The following NEGR1 variants were observed in gnomAD, a reference collection of about 807,000 sequenced individuals.
The protein encoded by NEGR1 is neuronal growth regulator 1.
In NEGR1, 10 loss-of-function variants were observed where a neutral mutation model predicts 40.9. The observed-to-expected ratio is 0.24, with a 90% confidence interval of 0.15 to 0.42. The LOEUF (loss-of-function observed/expected upper bound fraction) is 0.42. Ranked by LOEUF, NEGR1 falls within the 10% of genes least tolerant of loss-of-function variation. The pLI is 1.00. For synonymous variants in NEGR1, 185 were observed against 166.8 expected (o/e 1.11, Z -0.84); for missense variants, 352 against 438.9 (o/e 0.80, Z 1.77).
chr1:71,766,086 A>G (rs1369334648), intron 3 of NEGR1, among the ~76,000 whole-genome samples: 1 of 151,742 alleles, frequency 6.6e-6, no homozygotes, highest in Non-Finnish European at 1.5e-5. Flanking sequence ...AGGCAGGAAA[A>G]TGCTTGAACT....
At chr1:71,731,539 A>G (rs1654867080) in intron 3 of NEGR1, among the ~76,000 whole-genome samples, 1 of 152,268 alleles carries the variant, frequency 6.6e-6, no homozygotes, top group African/African-American at 2.4e-5. Flanking sequence ...TATTTTGGTT[A>G]AGAGCAATAA....
At position 72,105,590 on chromosome 1, in the gene NEGR1, A is replaced by G. The variant is rs767406089; in HGVS notation, c.177-170279T>C. Among the ~76,000 whole-genome samples the G allele has an allele frequency of 2.0e-5, 3 of 152,020 alleles. No individual in the cohort carries two copies. In the East Asian group the frequency reaches 5.8e-4, roughly 29 times the overall value. On this transcript the variant is annotated intron_variant, in intron 1 of 6. Coordinates refer to ENST00000357731, the MANE Select transcript of NEGR1 (RefSeq NM_173808.3). ...TAAATAGAAAGATTTTGAAATGAAGAAAAAAACTGACAGAAAAACAAAAAC... is the reference window on the plus strand; with the variant it reads ...TAAATAGAAAGATTTTGAAATGAAGGAAAAAACTGACAGAAAAACAAAAAC...
At position 71,399,266 on chromosome 1, in the gene NEGR1, T is replaced by G. The variant is rs2101245909; in HGVS notation, c.*8180A>C. The stretch of plus-strand genomic sequence containing the variant: ...TATATGTTTCCAGAAAAAAATTGCT[T>G]ATTCAAATGTAAAAAAAAAAACCCA... On this transcript the variant is annotated 3_prime_UTR_variant, in exon 7 of 7. Coordinates refer to ENST00000357731, the MANE Select transcript of NEGR1 (RefSeq NM_173808.3). 1 of 152,148 alleles carries G rather than the reference T, an allele frequency of 6.6e-6. No homozygotes were observed. The highest frequency in any genetic ancestry group is 2.1e-4 in the South Asian group (1 of 4,820). 9.4% of individuals were successfully genotyped at this position (152,148 alleles called of 1,614,324 possible).
chr1:71,512,385 C>A (rs1218871814), intron 6 of NEGR1, among the ~76,000 whole-genome samples: 1 of 152,036 alleles, frequency 6.6e-6, no homozygotes, highest in Non-Finnish European at 1.5e-5. Flanking sequence ...GAAAAAGAAT[C>A]TGTACTCTTT....
chr1:71,762,249 T>C (rs901468015), intron 3 of NEGR1, among the ~76,000 whole-genome samples: 1 of 130,254 alleles, frequency 7.7e-6, no homozygotes, highest in African/African-American at 2.7e-5. Context: ...AAAAAGAAAA[T>C]AGAGAAACAA....
intron 1 of NEGR1, among the ~76,000 whole-genome samples, chr1:72,235,474 G>A (rs1654517602): frequency 6.6e-6 from 1 of 151,996 alleles, no homozygotes; most frequent in African/African-American, 2.4e-5. Context: ...CTTGAGGGTA[G>A]CAAGGGGATA....
At chr1:71,933,494 T>C (rs1025798295) in intron 2 of NEGR1, among the ~76,000 whole-genome samples, 1 of 152,072 alleles carries the variant, frequency 6.6e-6, no homozygotes. Context: ...TTTTTTCACA[T>C]AATGAAAATC....
intron 1 of NEGR1, among the ~76,000 whole-genome samples, chr1:72,124,980 TATGGCGTATA>T (rs1397730420): frequency 2.0e-5 from 3 of 152,108 alleles, no homozygotes; most frequent in Non-Finnish European, 4.4e-5. Context: ...ATAAAAATTT[TATGGCGTATA>T]TAAAAGTCAA....
intron 1 of NEGR1, among the ~76,000 whole-genome samples, chr1:72,233,419 T>C (rs1196659732): frequency 6.6e-6 from 1 of 152,126 alleles, no homozygotes; most frequent in Non-Finnish European, 1.5e-5. Flanking sequence ...TAGTACACAA[T>C]AGGAAGTTTT....
chr1:71,871,534 T>C (rs1271735051), intron 2 of NEGR1, among the ~76,000 whole-genome samples: 1 of 152,194 alleles, frequency 6.6e-6, no homozygotes, highest in Non-Finnish European at 1.5e-5. Context: ...GCTCAAAATG[T>C]ATATTAAGCA....
At chr1:71,888,459 C>A (rs533137760) in intron 2 of NEGR1, among the ~76,000 whole-genome samples, 14 of 151,948 alleles carry the variant, frequency 9.2e-5, no homozygotes, top group Admixed American at 7.9e-4. Flanking sequence ...GGGTGACGGA[C>A]GCACCTGGAA....
At chr1:72,209,185 G>A (rs937844333) in intron 1 of NEGR1, among the ~76,000 whole-genome samples, 3 of 150,022 alleles carry the variant, frequency 2.0e-5, no homozygotes, top group African/African-American at 7.3e-5. Flanking sequence ...GCATTCCATC[G>A]AGACAATGTA....
At chr1:71,705,884 G>C (rs965295077) in intron 3 of NEGR1, among the ~76,000 whole-genome samples, 6 of 151,798 alleles carry the variant, frequency 4.0e-5, no homozygotes, top group East Asian at 1.9e-4. Context: ...AGGAAGCAAG[G>C]AAGGAAGGAG....
intron 4 of NEGR1, among the ~76,000 whole-genome samples, chr1:71,614,833 T>C (rs927695187): frequency 2.0e-5 from 3 of 152,200 alleles, no homozygotes; most frequent in African/African-American, 7.2e-5. Flanking sequence ...TTTTGTGCAG[T>C]ACAGTGTACA....
At chr1:71,975,505 C>A (rs539105058) in intron 1 of NEGR1, among the ~76,000 whole-genome samples, 137 of 152,284 alleles carry the variant, frequency 9.0e-4, no homozygotes, top group Admixed American at 2.2e-3. Context: ...ATTTCTCATG[C>A]AAAATGTAGA....
intron 1 of NEGR1, among the ~76,000 whole-genome samples, chr1:72,233,097 A>C (rs1187245983): frequency 6.6e-6 from 1 of 152,194 alleles, no homozygotes; most frequent in African/African-American, 2.4e-5. Flanking sequence ...ATACACTGAA[A>C]TACAGAGAAA....
intron 4 of NEGR1, among the ~76,000 whole-genome samples, chr1:71,632,831 C>A (rs957127046): frequency 1.3e-5 from 2 of 151,840 alleles, no homozygotes; most frequent in Admixed American, 6.6e-5. Context: ...TCCTACTGTA[C>A]AATCTGTTAA....
chr1:71,793,170 T>A (rs1657177284), intron 2 of NEGR1, among the ~76,000 whole-genome samples: 1 of 133,424 alleles, frequency 7.5e-6, no homozygotes, highest in Admixed American at 7.9e-5. Context: ...TAGGAACAAT[T>A]GATTGGGATG....
intron 3 of NEGR1, among the ~76,000 whole-genome samples, chr1:71,724,584 G>T (rs1055385757): frequency 6.6e-6 from 1 of 151,992 alleles, no homozygotes; most frequent in Non-Finnish European, 1.5e-5. Flanking sequence ...GTATTCTTAT[G>T]AATATTCTTG....
Sources: allele counts gnomAD v4.1 joint callset (sites outside exome capture counted in the v4.1 genomes callset), GRCh38; gene constraint gnomAD v4.1.1; transcripts MANE v1.5; gene names NCBI Gene and HGNC (gene_info 2026-07-23, HGNC 2026-07-21).